SDR42E1: variants seen among roughly 807,000 people sequenced by gnomAD.
SDR42E1 encodes short chain dehydrogenase/reductase family 42E, member 1.
SDR42E1 carries 5 observed loss-of-function variants against 2.6 expected under a neutral mutation model. The observed-to-expected ratio is 1.94, with a 90% confidence interval of 1.01 to 4.08. The LOEUF (loss-of-function observed/expected upper bound fraction) is 4.08. Ranked by LOEUF, SDR42E1 falls within the 30% of genes most tolerant of loss-of-function variation. SDR42E1 has a pLI of 0.00. For missense variants in SDR42E1, 596 were observed against 478.6 expected, an observed-to-expected ratio of 1.25 and a Z score of -2.29; for synonymous variants, 231 against 188.3, an observed-to-expected ratio of 1.23 and a Z score of -1.86.
rs1056716824 is a variant in SDR42E1 at position 81,993,249 on chromosome 16, G to A, written c.*5862C>T. 1 of 152,112 alleles carries A rather than the reference G, an allele frequency of 6.6e-6. No individual in the cohort carries two copies. The highest frequency in any genetic ancestry group is 2.4e-5 in the African/African-American group (1 of 41,426). 9.4% of individuals were successfully genotyped at this position (152,112 alleles called of 1,614,324 possible). A position where few individuals can be genotyped will look rare whatever the true frequency, so the allele number is the denominator to read the frequency against. Reference sequence around the variant, plus strand: ...AAGGGAAGAGCCAAGCAGAAGTCAGGAGCCTCTCAGCATCTTGCAAGGGAG... The same window carrying A: ...AAGGGAAGAGCCAAGCAGAAGTCAGAAGCCTCTCAGCATCTTGCAAGGGAG... On this transcript the variant is annotated 3_prime_UTR_variant, in exon 3 of 3. Transcript: ENST00000328945.
chr16:81,992,189 C>A lies in SDR42E1; in HGVS notation c.*6922G>T, dbSNP rs73598796. The A allele has an allele frequency of 0.13, 19,297 of 152,204 alleles. 3,005 individuals are homozygous for A. Among genetic ancestry groups the A allele is most frequent in the African/African-American group, 0.37 (15,371 of 41,448 alleles). The allele number at this position is 152,204 out of a possible 1,614,324, so 9.4% of individuals were successfully genotyped here. ...AGAAAAAAAAATTAGAAAGCCTTAT[C>A]CTGAGTAAACTCTCAACAAATAGTA... On this transcript the variant is annotated 3_prime_UTR_variant, in exon 3 of 3. Transcript: ENST00000328945.
chr16:82,007,226 T>C (rs2143864628), intron 1 of SDR42E1, among the ~76,000 whole-genome samples: 2 of 152,374 alleles, frequency 1.3e-5, no homozygotes, highest in East Asian at 3.9e-4. Flanking sequence ...TTCAAATGCC[T>C]CTTTCTGTCC....
At chr16:82,006,928 G>C (rs930786868) in intron 1 of SDR42E1, among the ~76,000 whole-genome samples, 6 of 152,226 alleles carry the variant, frequency 3.9e-5, no homozygotes, top group African/African-American at 1.2e-4. Flanking sequence ...AATATAACTA[G>C]GTAGCAGGAC....
rs1460870902 is a variant in SDR42E1 at position 81,991,326 on chromosome 16, T to G, written c.*7785A>C. 1 of 152,234 alleles carries G rather than the reference T, an allele frequency of 6.6e-6. No homozygotes were observed. Among genetic ancestry groups the G allele is most frequent in the Admixed American group, 6.5e-5 (1 of 15,288 alleles). 9.4% of individuals were successfully genotyped at this position (152,234 alleles called of 1,614,324 possible). A position where few individuals can be genotyped will look rare whatever the true frequency, so the allele number is the denominator to read the frequency against. On this transcript the variant is annotated 3_prime_UTR_variant, in exon 3 of 3. Coordinates refer to ENST00000328945, the MANE Select transcript of SDR42E1 (RefSeq NM_145168.3). ...AAGTCACTATTTACAGTTACTCATT[T>G]TTTGTAACAAATAGTTTACTTTAAT...
intron 1 of SDR42E1, among the ~76,000 whole-genome samples, chr16:82,001,719 G>A (rs902284861): frequency 2.0e-5 from 3 of 151,904 alleles, no homozygotes; most frequent in African/African-American, 2.4e-5. Context: ...TGACTAACAC[G>A]GTGAAACCCC....
Position 81,990,228 on chromosome 16 carries a change from A to C in SDR42E1, c.*8883T>G, listed in dbSNP as rs949765838. ...CTTAGGAGGATCACCTGAGCCCAGG[A>C]GGGCACTGCAGCAGTGAGCTGTGTC... On this transcript the variant is annotated 3_prime_UTR_variant, in exon 3 of 3. Transcript: ENST00000328945. 2.9e-4 allele frequency: 44 copies of C among 152,300 alleles called. No homozygotes were observed. The highest frequency in any genetic ancestry group is 9.4e-4 in the African/African-American group (39 of 41,558). The allele number at this position is 152,300 out of a possible 1,614,324, so 9.4% of individuals were successfully genotyped here.
intron 1 of SDR42E1, among the ~76,000 whole-genome samples, chr16:82,004,815 G>C (rs1912883162): frequency 6.6e-6 from 1 of 152,238 alleles, no homozygotes; most frequent in South Asian, 2.1e-4. Context: ...CTCTAGACTA[G>C]CGGGTTACCA....
Position 82,000,842 on chromosome 16 carries a change from G to T in SDR42E1, c.17C>A (p.Ser6Tyr). Residue 6 changes from serine (S) to tyrosine (Y), a missense_variant, in exon 2 of 3, where the codon TCT (serine) becomes TAT (tyrosine). Ser to Tyr is a moderately radical substitution (Grantham distance 144). Coordinates refer to ENST00000328945, the MANE Select transcript of SDR42E1 (RefSeq NM_145168.3). MDPKR[S>Y]QKESVLITGG... ...TGTAATGAGGACACTTTCCTTTTGA[G>T]ATCTTTTGGGGTCCATATGTGGCAG... The T allele has an allele frequency of 6.2e-7, 1 of 1,613,840 alleles. No individual in the cohort carries two copies. Among genetic ancestry groups the T allele is most frequent in the Non-Finnish European group, 8.5e-7 (1 of 1,179,932 alleles).
chr16:81,996,030 GC>G lies in SDR42E1; in HGVS notation c.*3080del, dbSNP rs1373443082. ...GAGCAGGGAGCCTGAGAAGCTTGGA[GC>G]CCAGGAACCTAAAAAAGGTCAGTGT... is the stretch of plus-strand genomic sequence containing the variant. On this transcript the variant is annotated 3_prime_UTR_variant, in exon 3 of 3. Coordinates refer to ENST00000328945, the MANE Select transcript of SDR42E1 (RefSeq NM_145168.3). 6.6e-6 allele frequency: 1 copy of G among 152,332 alleles called. No individual in the cohort carries two copies. The highest frequency in any genetic ancestry group is 1.5e-5 in the Non-Finnish European group (1 of 68,154). The allele number at this position is 152,332 out of a possible 1,614,324, so 9.4% of individuals were successfully genotyped here.
intron 1 of SDR42E1, among the ~76,000 whole-genome samples, chr16:82,003,390 T>G (rs974339687): frequency 1.3e-5 from 2 of 152,196 alleles, no homozygotes; most frequent in African/African-American, 4.8e-5. Context: ...CTCACAACCC[T>G]TCATGATGAA....
intron 1 of SDR42E1, among the ~76,000 whole-genome samples, chr16:82,002,405 TA>T (rs1220132675): frequency 2.0e-5 from 3 of 152,208 alleles, no homozygotes; most frequent in Non-Finnish European, 4.4e-5. Flanking sequence ...CTAAAGTTTC[TA>T]AAAAGGCAGC....
At position 81,990,559 on chromosome 16, in the gene SDR42E1, G is replaced by T. The variant is rs549890268; in HGVS notation, c.*8552C>A. ...TCCCAGCAGAAACACTATTAATTAAGGATCCATGTGCATAGTTCTTGTACA... is the reference window on the plus strand; with the variant it reads ...TCCCAGCAGAAACACTATTAATTAATGATCCATGTGCATAGTTCTTGTACA... On this transcript the variant is annotated 3_prime_UTR_variant, in exon 3 of 3. Transcript: ENST00000328945. 4.6e-5 allele frequency: 7 copies of T among 152,166 alleles called. No homozygotes were observed. The highest frequency in any genetic ancestry group is 1.7e-4 in the African/African-American group (7 of 41,520). 9.4% of individuals were successfully genotyped at this position (152,166 alleles called of 1,614,324 possible). A position where few individuals can be genotyped will look rare whatever the true frequency, so the allele number is the denominator to read the frequency against.
rs1422977715 is a variant in SDR42E1 at position 82,011,403 on chromosome 16, G to C, written c.-43C>G. On this transcript the variant is annotated 5_prime_UTR_variant, in exon 1 of 3. Transcript: ENST00000328945. ...CCCACTCACAGCTGCAGGAACAAGGGCGCGGCAGACGGCTACAGCAGGCAG... is the reference window on the plus strand; with the variant it reads ...CCCACTCACAGCTGCAGGAACAAGGCCGCGGCAGACGGCTACAGCAGGCAG... 6.6e-6 allele frequency: 1 copy of C among 152,636 alleles called. No homozygotes were observed. The highest frequency in any genetic ancestry group is 2.4e-5 in the African/African-American group (1 of 41,458). 9.5% of individuals were successfully genotyped at this position (152,636 alleles called of 1,614,324 possible).
At chr16:82,001,782 G>C (rs992823905) in intron 1 of SDR42E1, among the ~76,000 whole-genome samples, 1 of 151,734 alleles carries the variant, frequency 6.6e-6, no homozygotes, top group East Asian at 1.9e-4. Context: ...GGCACCTGTA[G>C]TCCCAGCTAC....
chr16:82,008,871 GC>G (rs1403904007), intron 1 of SDR42E1, among the ~76,000 whole-genome samples: 2 of 152,118 alleles, frequency 1.3e-5, no homozygotes, highest in African/African-American at 4.8e-5. Context: ...CCTACCAAAG[GC>G]CCAGAAGTCT....
intron 1 of SDR42E1, among the ~76,000 whole-genome samples, chr16:82,003,431 A>T (rs1567565354): frequency 1.3e-5 from 2 of 152,344 alleles, no homozygotes; most frequent in South Asian, 2.1e-4. Context: ...GACATCAGTT[A>T]CTGATATATC....
chr16:82,010,334 G>T lies in SDR42E1; in HGVS notation c.-27+1053C>A, dbSNP rs73600727. On this transcript the variant is annotated intron_variant, in intron 1 of 2. Transcript: ENST00000328945. Reference sequence around the variant, plus strand: ...ATGCAGGTCATAAGGGGTTGGGCAGGGTTCAGGACTTGAAGCCGGGTCTGT... The same window carrying T: ...ATGCAGGTCATAAGGGGTTGGGCAGTGTTCAGGACTTGAAGCCGGGTCTGT... Among the ~76,000 whole-genome samples the T allele has an allele frequency of 9.1e-3, 1,383 of 152,306 alleles. 17 individuals are homozygous for T. The highest frequency in any genetic ancestry group is 0.03 in the African/African-American group (1,258 of 41,562).
At chr16:82,010,659 G>A (rs953677566) in intron 1 of SDR42E1, among the ~76,000 whole-genome samples, 2 of 152,060 alleles carry the variant, frequency 1.3e-5, no homozygotes, top group African/African-American at 4.8e-5. Flanking sequence ...CCCCCTCCCC[G>A]TTTCGAGTTG....
At position 81,992,207 on chromosome 16, in the gene SDR42E1, A is replaced by G. The variant is rs1405834402; in HGVS notation, c.*6904T>C. The stretch of plus-strand genomic sequence containing the variant: ...GCCTTATCCTGAGTAAACTCTCAAC[A>G]AATAGTAGCAATTAACTATTAACAA... On this transcript the variant is annotated 3_prime_UTR_variant, in exon 3 of 3. Transcript: ENST00000328945. The G allele has an allele frequency of 6.6e-6, 1 of 152,230 alleles. No individual in the cohort carries two copies. The highest frequency in any genetic ancestry group is 2.4e-5 in the African/African-American group (1 of 41,458). 9.4% of individuals were successfully genotyped at this position (152,230 alleles called of 1,614,324 possible).
Sources: allele counts gnomAD v4.1 joint callset (sites outside exome capture counted in the v4.1 genomes callset), GRCh38; gene constraint gnomAD v4.1.1; transcripts MANE v1.5; gene names NCBI Gene and HGNC (gene_info 2026-07-23, HGNC 2026-07-21).